GNA14: variants seen among roughly 807,000 people sequenced by gnomAD.
GNA14 encodes G protein subunit alpha 14, also known as guanine nucleotide-binding protein subunit alpha-14.
Under a neutral mutation model 42.0 loss-of-function variants are expected in GNA14, and 50 were observed. The ratio of observed to expected loss-of-function variants is 1.19; its 90% CI spans 0.95 to 1.51. The LOEUF (loss-of-function observed/expected upper bound fraction) is 1.51. GNA14 is among the 40% of genes most tolerant of loss of function. The pLI, the probability that GNA14 is intolerant of heterozygous loss-of-function variation, is 0.00. For synonymous variants in GNA14, 173 were observed against 163.1 expected (o/e 1.06, Z -0.46); for missense variants, 473 against 446.2 (o/e 1.06, Z -0.54).
chr9:77,564,347 G>A (rs1284997212), intron 1 of GNA14, among the ~76,000 whole-genome samples: 6 of 150,682 alleles, frequency 4.0e-5, no homozygotes, highest in South Asian at 4.2e-4. Context: ...TCTCTCTGTC[G>A]CCCAGGCTGG....
intron 2 of GNA14, among the ~76,000 whole-genome samples, chr9:77,490,456 C>G (rs947397884): frequency 1.3e-5 from 2 of 152,246 alleles, no homozygotes; most frequent in African/African-American, 4.8e-5. Context: ...CGGGGAGGCT[C>G]AGGCTGCACA....
intron 2 of GNA14, among the ~76,000 whole-genome samples, chr9:77,449,704 A>C (rs569131764): frequency 2.2e-4 from 34 of 152,312 alleles, no homozygotes; most frequent in African/African-American, 7.9e-4. Flanking sequence ...ATTCCCTGTC[A>C]AACAGGTTTC....
At chr9:77,501,663 G>A (rs9696880) in intron 2 of GNA14, among the ~76,000 whole-genome samples, 86,457 of 150,132 alleles carry the variant, frequency 0.58, 25,547 homozygotes, top group East Asian at 0.8. Flanking sequence ...CCGTCCTTTT[G>A]ATATAATCTT....
intron 1 of GNA14, among the ~76,000 whole-genome samples, chr9:77,595,374 A>G (rs1402650662): frequency 6.6e-6 from 1 of 152,118 alleles, no homozygotes; most frequent in Admixed American, 6.5e-5. Flanking sequence ...CTTCATGACA[A>G]ATGCCTTCAA....
intron 1 of GNA14, among the ~76,000 whole-genome samples, chr9:77,640,999 A>G (rs1824249520): frequency 6.8e-6 from 1 of 146,620 alleles, no homozygotes; most frequent in Non-Finnish European, 1.5e-5. Flanking sequence ...ACAGTAATGA[A>G]GTAAAAAATC....
At chr9:77,485,141 A>G (rs1836634554) in intron 2 of GNA14, among the ~76,000 whole-genome samples, 1 of 152,206 alleles carries the variant, frequency 6.6e-6, no homozygotes, top group African/African-American at 2.4e-5. Context: ...CTACAGTAGA[A>G]TTTGAGTTAA....
chr9:77,647,990 G>C lies in GNA14; in HGVS notation c.-197C>G. ...TCGAAAGTCGGCTCTGAGGCGGGGTGAATGCCGAGCGCTGGGAACGCTCGA... is the reference window on the plus strand; with the variant it reads ...TCGAAAGTCGGCTCTGAGGCGGGGTCAATGCCGAGCGCTGGGAACGCTCGA... On this transcript the variant is annotated 5_prime_UTR_variant, in exon 1 of 7. Transcript: ENST00000341700. 1.7e-6 allele frequency: 1 copy of C among 604,182 alleles called. No individual in the cohort carries two copies. Among genetic ancestry groups the C allele is most frequent in the East Asian group, 3.2e-5 (1 of 31,652 alleles). The allele number at this position is 604,182 out of a possible 1,614,324, so 37.4% of individuals were successfully genotyped here.
intron 1 of GNA14, among the ~76,000 whole-genome samples, chr9:77,582,427 C>G (rs901076651): frequency 6.6e-6 from 1 of 152,200 alleles, no homozygotes; most frequent in Non-Finnish European, 1.5e-5. Context: ...TTGAGAAACA[C>G]TGACCGCCAG....
At chr9:77,618,596 ATATATATATATATATATATATATATT>A (rs1823861263) in intron 1 of GNA14, among the ~76,000 whole-genome samples, 1 of 14,396 alleles carries the variant, frequency 6.9e-5, no homozygotes, top group Non-Finnish European at 1.7e-4. Context: ...ATATATATAT[ATATATATATATATATATATATATATT>A]TTTTTTTTTT....
intron 1 of GNA14, among the ~76,000 whole-genome samples, chr9:77,539,098 G>T (rs1385772417): frequency 6.6e-6 from 1 of 152,192 alleles, no homozygotes; most frequent in Non-Finnish European, 1.5e-5. Flanking sequence ...TACCTTAGAA[G>T]AAAGAGCTTC....
chr9:77,498,719 T>TC (rs1396437416), intron 2 of GNA14, among the ~76,000 whole-genome samples: 1 of 152,038 alleles, frequency 6.6e-6, no homozygotes, highest in Non-Finnish European at 1.5e-5. Context: ...CCCCCAGATC[T>TC]CCCCCCGCTG....
intron 2 of GNA14, among the ~76,000 whole-genome samples, chr9:77,498,508 A>G (rs1237197060): frequency 1.3e-5 from 2 of 152,158 alleles, no homozygotes; most frequent in Non-Finnish European, 2.9e-5. Context: ...AATATACTAC[A>G]TAGTGAATGG....
chr9:77,603,842 GCTGAGGCGGGAGA>G (rs1823606733), intron 1 of GNA14, among the ~76,000 whole-genome samples: 1 of 150,940 alleles, frequency 6.6e-6, no homozygotes. Flanking sequence ...GTGGCGGGAG[GCTGAGGCGGGAGA>G]ATGGTGTGAA....
At chr9:77,437,459 T>C (rs971519988) in intron 2 of GNA14, among the ~76,000 whole-genome samples, 15 of 151,886 alleles carry the variant, frequency 9.9e-5, no homozygotes, top group African/African-American at 3.4e-4. Context: ...GGCAGGAGTA[T>C]TGCTTGAACC....
intron 1 of GNA14, among the ~76,000 whole-genome samples, chr9:77,624,395 C>A (rs1265178421): frequency 3.9e-5 from 6 of 152,194 alleles, no homozygotes; most frequent in African/African-American, 1.4e-4. Context: ...GACAGCAGAT[C>A]TCCCAGCACA....
At chr9:77,643,421 T>C (rs1333046669) in intron 1 of GNA14, among the ~76,000 whole-genome samples, 1 of 152,126 alleles carries the variant, frequency 6.6e-6, no homozygotes, top group Non-Finnish European at 1.5e-5. Flanking sequence ...GTATTTTTAG[T>C]AGAGACAGTG....
intron 1 of GNA14, chr9:77,580,716 A>C (rs549728363): frequency 2.6e-5 from 6 of 229,720 alleles, no homozygotes; most frequent in African/African-American, 1.4e-4. Context: ...CAAATATCAT[A>C]CACAAATGAG....
chr9:77,519,842 T>C (rs1782748767), intron 2 of GNA14, among the ~76,000 whole-genome samples: 2 of 151,984 alleles, frequency 1.3e-5, no homozygotes, highest in Admixed American at 1.3e-4. Context: ...AAACCGTATC[T>C]CTACTAAAAA....
chr9:77,453,582 G>A (rs1052905912), intron 2 of GNA14, among the ~76,000 whole-genome samples: 2 of 152,144 alleles, frequency 1.3e-5, no homozygotes, highest in Admixed American at 6.5e-5. Flanking sequence ...GTAACTATGC[G>A]CACCAAACTC....
Sources: allele counts gnomAD v4.1 joint callset (sites outside exome capture counted in the v4.1 genomes callset), GRCh38; gene constraint gnomAD v4.1.1; transcripts MANE v1.5; gene names NCBI Gene and HGNC (gene_info 2026-07-23, HGNC 2026-07-21).